Variants in DENND1A observed in about 807,000 individuals in gnomAD.
DENND1A encodes the protein DENN domain-containing protein 1A.
DENND1A carries 51 observed loss-of-function variants against 113.7 expected under a neutral mutation model. The ratio of observed to expected loss-of-function variants is 0.45; its 90% CI spans 0.36 to 0.57. The LOEUF (loss-of-function observed/expected upper bound fraction) is 0.57, where lower values mean the gene tolerates loss of function less well. Among genes scored for constraint, DENND1A ranks in the 20% least tolerant of loss-of-function variants. DENND1A has a pLI of 0.00. For missense variants in DENND1A, 1,258 were observed against 1,395.9 expected (o/e 0.90, Z 1.57); for synonymous variants, 565 against 570.8 (o/e 0.99, Z 0.14).
At chr9:123,668,017 C>T (rs562579653) in intron 7 of DENND1A, among the ~76,000 whole-genome samples, 14 of 152,294 alleles carry the variant, frequency 9.2e-5, no homozygotes, top group African/African-American at 3.4e-4. Flanking sequence ...TCTCCATATG[C>T]AACAAGCATG....
Position 123,382,149 on chromosome 9 carries a change from G to A in DENND1A, c.2496C>T (p.Gly832=), listed in dbSNP as rs751320233. The part of the protein sequence containing the change: ...PTELLQPLSP[G]PGAAGTSSDA... Reference sequence around the variant, plus strand: ...CACTGCTCGTGCCTGCAGCCCCGGGGCCAGGGCTGAGCGGCTGGAGCAGTT... The same window carrying A: ...CACTGCTCGTGCCTGCAGCCCCGGGACCAGGGCTGAGCGGCTGGAGCAGTT... The change falls in exon 24 of 24, where the codon GGC becomes GGT. Residue 832 remains glycine, a synonymous_variant. Transcript: ENST00000394215. 7 of 1,604,108 alleles carry A rather than the reference G, an allele frequency of 4.4e-6. No individual in the cohort carries two copies. Among genetic ancestry groups the A allele is most frequent in the South Asian group, 3.3e-5 (3 of 89,932 alleles).
intron 13 of DENND1A, among the ~76,000 whole-genome samples, chr9:123,531,550 TCTCTACACACAC>T (rs1394572324): frequency 7.7e-6 from 1 of 129,706 alleles, no homozygotes; most frequent in Admixed American, 8.3e-5. Flanking sequence ...CCCCCCTCTC[TCTCTACACACAC>T]ACACACACAC....
At chr9:123,825,120 A>G (rs1222307724) in intron 2 of DENND1A, among the ~76,000 whole-genome samples, 3 of 152,122 alleles carry the variant, frequency 2.0e-5, no homozygotes, top group African/African-American at 7.2e-5. Context: ...AACAAAAAAG[A>G]AGAGAGAGCA....
intron 1 of DENND1A, among the ~76,000 whole-genome samples, chr9:123,884,565 T>C (rs555257197): frequency 3.9e-5 from 6 of 152,300 alleles, no homozygotes; most frequent in African/African-American, 1.2e-4. Context: ...TCCAGCCATA[T>C]AGATCTACTT....
At chr9:123,557,437 C>T in intron 13 of DENND1A, 133 bp downstream of exon 13, 2 of 1,368,250 alleles carry the variant, frequency 1.5e-6, no homozygotes, top group Admixed American at 2.2e-5. Context: ...ACACTGTCCC[C>T]CACCACAAAC....
chr9:123,505,911 T>C (rs1446974838), intron 13 of DENND1A, among the ~76,000 whole-genome samples: 1 of 152,134 alleles, frequency 6.6e-6, no homozygotes, highest in Admixed American at 6.6e-5. Context: ...CTTAGACAAG[T>C]GCCCTGTGAT....
At chr9:123,766,581 G>A (rs1035759319) in intron 4 of DENND1A, among the ~76,000 whole-genome samples, 13 of 152,120 alleles carry the variant, frequency 8.5e-5, no homozygotes, top group African/African-American at 2.7e-4. Context: ...TTTGGTGACT[G>A]GTCTTCCCTG....
intron 1 of DENND1A, among the ~76,000 whole-genome samples, chr9:123,924,359 TA>T (rs1247416366): frequency 6.6e-6 from 1 of 152,176 alleles, no homozygotes; most frequent in African/African-American, 2.4e-5. Context: ...TGAATATACT[TA>T]AAACCACTTA....
chr9:123,410,038 G>C (rs2044182488), intron 20 of DENND1A, among the ~76,000 whole-genome samples: 1 of 152,222 alleles, frequency 6.6e-6, no homozygotes, highest in African/African-American at 2.4e-5. Flanking sequence ...CCTGCAGTGA[G>C]CTGAGATTGC....
intron 19 of DENND1A, chr9:123,414,700 A>G: frequency 2.1e-6 from 3 of 1,399,720 alleles, no homozygotes; most frequent in Non-Finnish European, 2.9e-6. Context: ...TTATTTGAAC[A>G]TAGACTTGCT....
chr9:123,643,880 G>T (rs758321956), intron 9 of DENND1A, among the ~76,000 whole-genome samples: 8 of 152,200 alleles, frequency 5.3e-5, no homozygotes, highest in Non-Finnish European at 1.2e-4. Context: ...AAAAGCTTAG[G>T]TGTGCGTTCA....
At chr9:123,834,339 C>T (rs1193763056) in intron 2 of DENND1A, among the ~76,000 whole-genome samples, 1 of 152,184 alleles carries the variant, frequency 6.6e-6, no homozygotes. Flanking sequence ...AAACTCACTT[C>T]ATCCTCACAA....
At chr9:123,904,611 G>A (rs1296260709) in intron 1 of DENND1A, among the ~76,000 whole-genome samples, 1 of 149,600 alleles carries the variant, frequency 6.7e-6, no homozygotes, top group Non-Finnish European at 1.5e-5. Context: ...TGGAAGAAAG[G>A]GTATCAGCAA....
intron 5 of DENND1A, among the ~76,000 whole-genome samples, chr9:123,696,256 T>C (rs1302351013): frequency 6.6e-6 from 1 of 152,244 alleles, no homozygotes; most frequent in Non-Finnish European, 1.5e-5. Context: ...CAGCATGCTA[T>C]GATACGTTAA....
intron 5 of DENND1A, among the ~76,000 whole-genome samples, chr9:123,695,982 CAA>C (rs59667113): frequency 2.3e-4 from 24 of 106,512 alleles, no homozygotes; most frequent in Non-Finnish European, 2.7e-4. Context: ...TCTGTTAATA[CAA>C]AAAAAAAAAA....
At chr9:123,722,086 G>C (rs2067382439) in intron 5 of DENND1A, among the ~76,000 whole-genome samples, 1 of 152,198 alleles carries the variant, frequency 6.6e-6, no homozygotes, top group Non-Finnish European at 1.5e-5. Context: ...ATAAGGTCCA[G>C]GATGAGGTGG....
At chr9:123,832,395 T>C (rs757639199) in intron 2 of DENND1A, among the ~76,000 whole-genome samples, 5 of 152,170 alleles carry the variant, frequency 3.3e-5, no homozygotes, top group East Asian at 1.9e-4. Flanking sequence ...GGTGATGATA[T>C]AGAGCAAGAG....
chr9:123,711,964 G>C (rs1208958212), intron 5 of DENND1A, among the ~76,000 whole-genome samples: 1 of 152,130 alleles, frequency 6.6e-6, no homozygotes, highest in Non-Finnish European at 1.5e-5. Context: ...AGACCATAAA[G>C]GCATGTGTCT....
At chr9:123,765,956 A>T (rs1396547063) in intron 4 of DENND1A, among the ~76,000 whole-genome samples, 1 of 152,110 alleles carries the variant, frequency 6.6e-6, no homozygotes, top group Non-Finnish European at 1.5e-5. Flanking sequence ...ACCTCTGTGG[A>T]TCATGGTTTT....
Sources: gnomAD v4.1 joint callset for allele counts (sites outside exome capture counted in the v4.1 genomes callset) on GRCh38, gnomAD v4.1.1 for gene constraint, MANE v1.5 for transcripts, NCBI Gene and HGNC (gene_info 2026-07-23, HGNC 2026-07-21) for gene names.